The following PINX1 variants were observed in gnomAD, a reference collection of about 807,000 sequenced individuals.
PINX1 encodes PIN2/TERF1-interacting telomerase inhibitor 1.
A neutral mutation model predicts 25.4 loss-of-function variants in PINX1; 34 were observed. That is an observed-to-expected ratio of 1.34 (90% confidence interval 1.02 to 1.78). The LOEUF (loss-of-function observed/expected upper bound fraction) is 1.78, where lower values mean the gene tolerates loss of function less well. Among genes scored for constraint, PINX1 ranks in the 40% most tolerant of loss-of-function variants. The pLI, the probability that PINX1 is intolerant of heterozygous loss-of-function variation, is 0.00. For synonymous variants in PINX1, 197 were observed against 147.7 expected, an observed-to-expected ratio of 1.33 and a Z score of -2.42; for missense variants, 592 against 404.9, an observed-to-expected ratio of 1.46 and a Z score of -3.97.
intron 6 of PINX1, among the ~76,000 whole-genome samples, chr8:10,810,631 C>T (rs947472350): frequency 8.5e-5 from 13 of 152,158 alleles, no homozygotes; most frequent in Admixed American, 1.3e-4. Flanking sequence ...TCCCAGTCTC[C>T]TAAGGGAAGG....
chr8:10,813,057 G>A (rs1392783014), intron 6 of PINX1, among the ~76,000 whole-genome samples: 2 of 152,320 alleles, frequency 1.3e-5, no homozygotes, highest in East Asian at 3.9e-4. Context: ...TTTGAATCAG[G>A]ATTCTGTTAT....
At chr8:10,791,977 G>A (rs981913838) in intron 6 of PINX1, among the ~76,000 whole-genome samples, 1 of 152,176 alleles carries the variant, frequency 6.6e-6, no homozygotes, top group African/African-American at 2.4e-5. Context: ...AGTTACACCT[G>A]GCAGTGATGA....
intron 6 of PINX1, among the ~76,000 whole-genome samples, chr8:10,775,410 G>GTTTTTTTTTTTTTTTTTTTT (rs143926728): frequency 9.1e-6 from 1 of 109,594 alleles, no homozygotes; most frequent in Non-Finnish European, 1.9e-5. Context: ...CTGTTTTGTG[G>GTTTTTTTTTTTTTTTTTTTT]TTTTTTTTTT....
chr8:10,833,558 G>A (rs988242040), intron 2 of PINX1: 11 of 150,530 alleles, frequency 7.3e-5, no homozygotes, highest in African/African-American at 3.0e-4. Context: ...AGACGACTGG[G>A]GTGCGGGAGG....
rs1000965515 is a variant in PINX1, at chr8:10,808,609, T to C, written c.471+11584A>G. On this transcript the variant is annotated intron_variant, in intron 6 of 6. Coordinates refer to ENST00000314787, the MANE Select transcript of PINX1 (RefSeq NM_017884.6). ...AAAATTAAAGTACAGAGAGGTTACA[T>C]AGCGTGTCCAGTAGCGCAGTGCTAG... is the stretch of plus-strand genomic sequence containing the variant. 5.3e-5 allele frequency among the ~76,000 whole-genome samples: 8 copies of C among 152,232 alleles called. No homozygotes were observed. The East Asian group carries it at 9.6e-4, about 18-fold the overall frequency.
At chr8:10,810,873 G>C (rs1037944946) in intron 6 of PINX1, among the ~76,000 whole-genome samples, 3 of 152,226 alleles carry the variant, frequency 2.0e-5, no homozygotes, top group Non-Finnish European at 2.9e-5. Context: ...CACTTCACTA[G>C]AGGACTTTGA....
intron 6 of PINX1, among the ~76,000 whole-genome samples, chr8:10,790,995 C>T (rs1202700610): frequency 1.3e-5 from 2 of 152,190 alleles, no homozygotes; most frequent in African/African-American, 2.4e-5. Flanking sequence ...TCACTGCAGC[C>T]TCCGCTTCCC....
chr8:10,789,386 G>A (rs1801852447), intron 6 of PINX1, among the ~76,000 whole-genome samples: 1 of 152,220 alleles, frequency 6.6e-6, no homozygotes, highest in African/African-American at 2.4e-5. Flanking sequence ...CCACAGTCAA[G>A]CTAATTAACA....
intron 6 of PINX1, among the ~76,000 whole-genome samples, chr8:10,767,711 G>A (rs1181483555): frequency 2.0e-5 from 3 of 149,584 alleles, no homozygotes; most frequent in Non-Finnish European, 4.4e-5. Flanking sequence ...TCCCAAAGAC[G>A]GGCACCCTCA....
At chr8:10,778,855 T>C (rs1801494925) in intron 6 of PINX1, among the ~76,000 whole-genome samples, 1 of 152,244 alleles carries the variant, frequency 6.6e-6, no homozygotes. Flanking sequence ...TCCCAGATTG[T>C]CCAAGAGGGT....
Sources: gnomAD v4.1 joint callset for allele counts (sites outside exome capture counted in the v4.1 genomes callset) on GRCh38, gnomAD v4.1.1 for gene constraint, MANE v1.5 for transcripts, NCBI Gene and HGNC (gene_info 2026-07-23, HGNC 2026-07-21) for gene names.